MIPEP: variants seen among roughly 807,000 people sequenced by gnomAD.
The protein encoded by MIPEP is mitochondrial intermediate peptidase.
In MIPEP, 79 loss-of-function variants were observed where a neutral mutation model predicts 90.3. The observed-to-expected ratio is 0.87, with a 90% CI of 0.73 to 1.05. The LOEUF (loss-of-function observed/expected upper bound fraction) is 1.05, where lower values mean the gene tolerates loss of function less well. Ranked by LOEUF, MIPEP falls within the 50% of genes least tolerant of loss-of-function variation. MIPEP has a pLI of 0.00. For synonymous variants in MIPEP, 334 were observed against 315.8 expected (o/e 1.06, Z -0.61); for missense variants, 940 against 905.6 (o/e 1.04, Z -0.49).
intron 16 of MIPEP, among the ~76,000 whole-genome samples, chr13:23,801,807 T>C (rs1248992348): frequency 1.3e-5 from 2 of 152,156 alleles, no homozygotes; most frequent in Non-Finnish European, 2.9e-5. Flanking sequence ...GAACAAATTG[T>C]TTATCCATTT....
At chr13:23,834,395 G>A (rs568501274) in intron 14 of MIPEP, among the ~76,000 whole-genome samples, 1 of 152,158 alleles carries the variant, frequency 6.6e-6, no homozygotes, top group Non-Finnish European at 1.5e-5. Context: ...CAGCAGTCTA[G>A]AGGTTGCTCC....
chr13:23,847,588 A>G (rs1411668700), intron 10 of MIPEP, among the ~76,000 whole-genome samples: 1 of 152,134 alleles, frequency 6.6e-6, no homozygotes, highest in Non-Finnish European at 1.5e-5. Context: ...GGGTAGACTG[A>G]CAGGCCTATA....
At position 23,730,293 on chromosome 13, in the gene MIPEP, T is replaced by A; in HGVS notation, c.*55A>T. 1 of 1,178,310 alleles carries A rather than the reference T, an allele frequency of 8.5e-7. No homozygotes were observed. The highest frequency in any genetic ancestry group is 1.3e-6 in the Non-Finnish European group (1 of 799,250). The allele number at this position is 1,178,310 out of a possible 1,614,324, so 73.0% of individuals were successfully genotyped here. A position where few individuals can be genotyped will look rare whatever the true frequency, so the allele number is the denominator to read the frequency against. Reference sequence around the variant, plus strand: ...AACAAGCTCTCACAGCTGTAGCATTTATAACAAAGTCATTATCTACATGAC... The same window carrying A: ...AACAAGCTCTCACAGCTGTAGCATTAATAACAAAGTCATTATCTACATGAC... On this transcript the variant is annotated 3_prime_UTR_variant, in exon 19 of 19. Transcript: ENST00000382172.
chr13:23,853,516 G>A (rs1026850335), intron 10 of MIPEP, among the ~76,000 whole-genome samples: 1 of 151,660 alleles, frequency 6.6e-6, no homozygotes, highest in African/African-American at 2.4e-5. Context: ...TTAGGTTTGT[G>A]TAAGTGCACT....
At chr13:23,786,639 TA>T (rs1952843380) in intron 16 of MIPEP, among the ~76,000 whole-genome samples, 1 of 93,236 alleles carries the variant, frequency 1.1e-5, no homozygotes, top group African/African-American at 2.8e-5. Flanking sequence ...ATATAGTTGG[TA>T]AAAAGAAAAA....
intron 16 of MIPEP, among the ~76,000 whole-genome samples, chr13:23,770,676 TCACC>T (rs1952639467): frequency 6.6e-6 from 1 of 152,036 alleles, no homozygotes; most frequent in Admixed American, 6.6e-5. Context: ...TCAGAGCCAC[TCACC>T]CACCACCAGA....
At chr13:23,738,890 C>T (rs2138485477) in intron 18 of MIPEP, among the ~76,000 whole-genome samples, 1 of 152,252 alleles carries the variant, frequency 6.6e-6, no homozygotes, top group East Asian at 1.9e-4. Flanking sequence ...TGGGGATAGG[C>T]CCAGTGACCT....
At chr13:23,841,045 G>T (rs1472609723) in intron 11 of MIPEP, among the ~76,000 whole-genome samples, 1 of 152,126 alleles carries the variant, frequency 6.6e-6, no homozygotes, top group African/African-American at 2.4e-5. Flanking sequence ...ACAAAGTAAA[G>T]GACAATTTTC....
chr13:23,791,406 A>G (rs1952896668), intron 16 of MIPEP, among the ~76,000 whole-genome samples: 1 of 151,968 alleles, frequency 6.6e-6, no homozygotes, highest in Non-Finnish European at 1.5e-5. Flanking sequence ...TCTCTCCTCA[A>G]ATGCCAGCAG....
intron 18 of MIPEP, among the ~76,000 whole-genome samples, chr13:23,751,902 G>T (rs1035059022): frequency 6.6e-6 from 1 of 150,462 alleles, no homozygotes; most frequent in African/African-American, 2.4e-5. Context: ...CAATGTCAAT[G>T]AGAATAGATA....
At chr13:23,737,530 A>G (rs1018689455) in intron 18 of MIPEP, among the ~76,000 whole-genome samples, 1 of 152,130 alleles carries the variant, frequency 6.6e-6, no homozygotes, top group Non-Finnish European at 1.5e-5. Flanking sequence ...CCAAGAAAAA[A>G]TCCTGTCAGC....
At chr13:23,870,831 G>C (rs1870770760) in intron 5 of MIPEP, among the ~76,000 whole-genome samples, 1 of 152,040 alleles carries the variant, frequency 6.6e-6, no homozygotes, top group African/African-American at 2.4e-5. Context: ...CAAAAAAACA[G>C]TTATTTGCAA....
intron 16 of MIPEP, among the ~76,000 whole-genome samples, chr13:23,797,148 C>T (rs1003096814): frequency 6.6e-6 from 1 of 152,212 alleles, no homozygotes; most frequent in Admixed American, 6.5e-5. Context: ...ACCACACTGG[C>T]TGACCCAGTC....
At chr13:23,804,905 A>G (rs1000903045) in intron 16 of MIPEP, among the ~76,000 whole-genome samples, 3 of 152,218 alleles carry the variant, frequency 2.0e-5, no homozygotes, top group Non-Finnish European at 2.9e-5. Flanking sequence ...TAGACCAACT[A>G]GGCTAGAAGG....
chr13:23,886,733 G>A lies in MIPEP; in HGVS notation c.190-227C>T, dbSNP rs1438930399. On this transcript the variant is annotated intron_variant, in intron 1 of 18. Transcript: ENST00000382172. ...TTTCTTCAATTTTTAATTATTTTCC[G>A]GAAAAAACAACAACAACAATGGTAT... Among the ~76,000 whole-genome samples the A allele has an allele frequency of 2.6e-5, 4 of 151,302 alleles. No individual in the cohort carries two copies. The East Asian group carries it at 5.8e-4, about 22-fold the overall frequency.
intron 14 of MIPEP, among the ~76,000 whole-genome samples, chr13:23,822,189 T>C (rs1953314358): frequency 6.6e-6 from 1 of 152,222 alleles, no homozygotes; most frequent in Non-Finnish European, 1.5e-5. Flanking sequence ...TGGAATATAA[T>C]ATGCCAGTAA....
chr13:23,742,611 T>C (rs979848914), intron 18 of MIPEP, among the ~76,000 whole-genome samples: 7 of 152,252 alleles, frequency 4.6e-5, no homozygotes, highest in Non-Finnish European at 5.9e-5. Flanking sequence ...GGTTGCTTAC[T>C]ATTTTTGCAC....
At chr13:23,842,294 A>T (rs1452405155) in intron 10 of MIPEP, 1 of 152,148 alleles carries the variant, frequency 6.6e-6, no homozygotes, top group Non-Finnish European at 1.5e-5. Flanking sequence ...TGATTCTAGA[A>T]CTGCACAACA....
At chr13:23,767,844 T>C (rs527505582) in intron 16 of MIPEP, among the ~76,000 whole-genome samples, 11 of 152,356 alleles carry the variant, frequency 7.2e-5, no homozygotes, top group African/African-American at 2.4e-4. Context: ...CCAAGGCTAC[T>C]GGCAGAGATT....
Sources: gnomAD v4.1 joint callset for allele counts (sites outside exome capture counted in the v4.1 genomes callset) on GRCh38, gnomAD v4.1.1 for gene constraint, MANE v1.5 for transcripts, NCBI Gene and HGNC (gene_info 2026-07-23, HGNC 2026-07-21) for gene names.